The following NUB1 variants were observed in gnomAD, a reference collection of about 807,000 sequenced individuals.
The protein encoded by NUB1 is negative regulator of ubiquitin like proteins 1, also known as NEDD8 ultimate buster 1.
Under a neutral mutation model 77.1 loss-of-function variants are expected in NUB1, and 41 were observed. That is an observed-to-expected ratio of 0.53 (90% CI 0.41 to 0.69). The LOEUF is 0.69. NUB1 is among the 30% of genes least tolerant of loss of function. The probability of loss-of-function intolerance (pLI) is 0.00; values close to 1 mark genes in which losing one functional copy is unlikely to be tolerated. For missense variants in NUB1, 643 were observed against 743.8 expected (o/e 0.86, Z 1.58); for synonymous variants, 257 against 281.0 (o/e 0.91, Z 0.85).
intron 1 of NUB1, among the ~76,000 whole-genome samples, chr7:151,344,825 C>T (rs1012947547): frequency 1.3e-5 from 2 of 152,066 alleles, no homozygotes; most frequent in African/African-American, 4.8e-5. Flanking sequence ...CATGGCGAAA[C>T]CCCGTCTCTA....
In NUB1 at chr7:151,351,448, C is replaced by G. The variant is rs777971124; in HGVS notation, c.310C>G (p.Arg104Gly). 1.6e-5 allele frequency: 25 copies of G among 1,612,804 alleles called. No homozygotes were observed. Among genetic ancestry groups the G allele is most frequent in the Non-Finnish European group, 2.0e-5 (24 of 1,179,248 alleles). ...GGATAGGAAAAACTTGTTGGAGACC[C>G]GATTGCACATCACTGGCAGAGAACT... ...KKDRKNLLETRLHITGRELRS... is the reference protein window; with the variant it reads ...KKDRKNLLETGLHITGRELRS... The change falls in exon 4 of 15, where the codon CGA (arginine) becomes GGA (glycine). Residue 104 changes from arginine (R) to glycine (G), a missense_variant. Arg to Gly is a moderately radical substitution (Grantham distance 125). Transcript: ENST00000568733.
At chr7:151,344,180 CAAAAAAAAAAAAAAAAA>C (rs561127147) in intron 1 of NUB1, among the ~76,000 whole-genome samples, 56 of 45,642 alleles carry the variant, frequency 1.2e-3, no homozygotes, top group South Asian at 2.2e-3. Flanking sequence ...GACTCCCTCT[CAAAAAAAAAAAAAAAAA>C]AAAAAAAAAA....
At chr7:151,372,972 A>T (rs561005069) in intron 11 of NUB1, among the ~76,000 whole-genome samples, 4 of 152,164 alleles carry the variant, frequency 2.6e-5, no homozygotes, top group Admixed American at 2.6e-4. Flanking sequence ...ATCCCTGGAG[A>T]TGTTTCCAGC....
intron 1 of NUB1, among the ~76,000 whole-genome samples, chr7:151,343,341 G>T (rs1455750227): frequency 6.6e-6 from 1 of 152,124 alleles, no homozygotes; most frequent in African/African-American, 2.4e-5. Context: ...ACATAAAATA[G>T]ATTTGAACTT....
chr7:151,353,737 G>A (rs1282891784), intron 5 of NUB1, among the ~76,000 whole-genome samples: 2 of 152,194 alleles, frequency 1.3e-5, no homozygotes, highest in Non-Finnish European at 2.9e-5. Context: ...AGCTACTGCA[G>A]CCATCCATAC....
chr7:151,371,647 C>T lies in NUB1; in HGVS notation c.1249-2450C>T, dbSNP rs147429602. Among the ~76,000 whole-genome samples, 613 of 152,310 alleles carry T rather than the reference C, an allele frequency of 4.0e-3. 8 individuals are homozygous for T. The highest frequency in any genetic ancestry group is 0.014 in the African/African-American group (578 of 41,558). ...AAAACAATGTCCCACAGAAAGTGAGCTCCTATCGGAGCTTTAGATGAGCAA... is the reference window on the plus strand; with the variant it reads ...AAAACAATGTCCCACAGAAAGTGAGTTCCTATCGGAGCTTTAGATGAGCAA... On this transcript the variant is annotated intron_variant, in intron 11 of 14. Coordinates refer to ENST00000568733, the MANE Select transcript of NUB1 (RefSeq NM_001243351.2).
At chr7:151,368,595 G>C in intron 10 of NUB1, 140 bp from the exon 11 acceptor site, 1 of 902,286 alleles carries the variant, frequency 1.1e-6, no homozygotes, top group Non-Finnish European at 1.6e-6. Flanking sequence ...TTAATAACAG[G>C]CCTAGTTTAG....
intron 7 of NUB1, among the ~76,000 whole-genome samples, chr7:151,359,026 C>G (rs953332934): frequency 6.6e-6 from 1 of 151,586 alleles, no homozygotes; most frequent in African/African-American, 2.4e-5. Context: ...GATCGCGCCA[C>G]TGCACTCCAG....
intron 9 of NUB1, 61 bp from the exon 10 acceptor site, chr7:151,367,800 T>C: frequency 9.6e-7 from 1 of 1,036,438 alleles, no homozygotes; most frequent in Non-Finnish European, 1.4e-6. Context: ...CAGAGATGAG[T>C]ATTATAGACC....
chr7:151,342,435 C>G (rs1013905359), intron 1 of NUB1, among the ~76,000 whole-genome samples: 1 of 152,110 alleles, frequency 6.6e-6, no homozygotes, highest in African/African-American at 2.4e-5. Context: ...TAGCAATGAT[C>G]GATTCATTAC....
chr7:151,372,138 C>T (rs577879168), intron 11 of NUB1, among the ~76,000 whole-genome samples: 7 of 152,340 alleles, frequency 4.6e-5, no homozygotes, highest in East Asian at 3.9e-4. Flanking sequence ...ATGGCCAGGC[C>T]GTGAGACGTA....
chr7:151,355,101 T>C (rs1375838715), intron 5 of NUB1, among the ~76,000 whole-genome samples: 2 of 152,228 alleles, frequency 1.3e-5, no homozygotes, highest in African/African-American at 2.4e-5. Context: ...TAGCTGTGAA[T>C]TGGCTTTATT....
rs763960622 is a variant in NUB1 at position 151,349,210 on chromosome 7, C to T, written c.255C>T (p.Ile85=). The change falls in exon 3 of 15, where the codon ATC becomes ATT. Residue 85 remains isoleucine, a synonymous_variant. Coordinates refer to ENST00000568733, the MANE Select transcript of NUB1 (RefSeq NM_001243351.2). ...DNYRTTGIAT[I]EVFLPPRLKK... is the part of the protein sequence containing the mutation. ...ATAGAACAACGGGAATTGCTACAAT[C>T]GAGGTGTTTTTACCACCAAGACTAA... 93 of 1,611,470 alleles carry T rather than the reference C, an allele frequency of 5.8e-5. No individual in the cohort carries two copies. The highest frequency in any genetic ancestry group is 1.0e-4 in the Admixed American group (6 of 59,300).
intron 1 of NUB1, among the ~76,000 whole-genome samples, chr7:151,344,855 C>G (rs573069578): frequency 6.6e-6 from 1 of 152,130 alleles, no homozygotes; most frequent in South Asian, 2.1e-4. Flanking sequence ...TGAAAATTAG[C>G]CGGGCGTGGT....
chr7:151,352,964 C>CA, intron 5 of NUB1, 82 bp downstream of exon 5: 1 of 733,722 alleles, frequency 1.4e-6, no homozygotes, highest in Non-Finnish European at 2.3e-6. Context: ...AATGTCTTTT[C>CA]AAAAATTTGT....
Position 151,375,935 on chromosome 7 carries a change from A to G in NUB1, c.1483A>G (p.Ile495Val). The G allele has an allele frequency of 1.2e-6, 2 of 1,609,758 alleles. No individual in the cohort carries two copies. Among genetic ancestry groups the G allele is most frequent in the Non-Finnish European group, 1.7e-6 (2 of 1,176,120 alleles). ...TCAAGAAAGTCCTTCCCAGGAAAAC[A>G]TTGACCGAGTGAGTGACAGGCCTTT... The part of the protein sequence containing the change: ...NRQESPSQEN[I>V]DRLVYMGFDA... The change falls in exon 13 of 15, where the codon ATT becomes GTT. Residue 495 changes from isoleucine (I) to valine (V), a missense_variant. Coordinates refer to ENST00000568733, the MANE Select transcript of NUB1 (RefSeq NM_001243351.2).
At chr7:151,375,190 CT>C (rs749340809) in intron 12 of NUB1, among the ~76,000 whole-genome samples, 11 of 152,180 alleles carry the variant, frequency 7.2e-5, no homozygotes, top group Non-Finnish European at 1.5e-4. Context: ...ACTTTTGTAA[CT>C]ATGTACATGT....
At chr7:151,374,609 A>G (rs545365558) in intron 12 of NUB1, 134 of 298,056 alleles carry the variant, frequency 4.5e-4, no homozygotes, top group African/African-American at 2.6e-3. Flanking sequence ...GTTTGGCATT[A>G]AAATTTTAAA....
intron 11 of NUB1, among the ~76,000 whole-genome samples, chr7:151,372,831 G>A (rs1330827622): frequency 5.9e-5 from 9 of 152,174 alleles, no homozygotes; most frequent in Admixed American, 5.9e-4. Context: ...GGTAGAGCAC[G>A]TAATGGGGGC....
Sources: gnomAD v4.1 joint callset for allele counts (sites outside exome capture counted in the v4.1 genomes callset) on GRCh38, gnomAD v4.1.1 for gene constraint, MANE v1.5 for transcripts, NCBI Gene and HGNC (gene_info 2026-07-23, HGNC 2026-07-21) for gene names.